The following ZNRF1 variants were observed in gnomAD, a reference collection of about 807,000 sequenced individuals.
The protein encoded by ZNRF1 is E3 ubiquitin-protein ligase ZNRF1.
In ZNRF1, 3 loss-of-function variants were observed where a neutral mutation model predicts 18.4. The observed-to-expected ratio is 0.16, with a 90% CI of 0.07 to 0.42. The LOEUF is 0.42. Among genes scored for constraint, ZNRF1 ranks in the 10% least tolerant of loss-of-function variants. The pLI is 0.99. For missense variants in ZNRF1, 310 were observed against 329.8 expected, an observed-to-expected ratio of 0.94 and a Z score of 0.47; for synonymous variants, 157 against 144.2, an observed-to-expected ratio of 1.09 and a Z score of -0.64.
rs1349792811 is a variant in ZNRF1 at position 75,080,473 on chromosome 16, T to C, written c.425-13099T>C. The stretch of plus-strand genomic sequence containing the variant: ...TCTAATAGTATGTTCAGGCATTTTC[T>C]TTCTTGCTGGCAAAAAATTCCTATC... On this transcript the variant is annotated intron_variant, in intron 1 of 4. Transcript: ENST00000335325. Among the ~76,000 whole-genome samples, 3 of 152,238 alleles carry C rather than the reference T, an allele frequency of 2.0e-5. 1 individual carries two copies. Among genetic ancestry groups the C allele is most frequent in the Non-Finnish European group, 4.4e-5 (3 of 68,046 alleles).
chr16:75,040,633 T>G (rs1277853722), intron 1 of ZNRF1, among the ~76,000 whole-genome samples: 19 of 136,238 alleles, frequency 1.4e-4, no homozygotes, highest in Non-Finnish European at 2.3e-4. Context: ...TGAGACAGAG[T>G]TTTGCTCTTG....
intron 1 of ZNRF1, among the ~76,000 whole-genome samples, chr16:75,043,087 T>C (rs1170395854): frequency 2.6e-5 from 4 of 152,228 alleles, no homozygotes; most frequent in Admixed American, 2.0e-4. Context: ...TGGGAGACTG[T>C]CTACAATAAA....
chr16:75,007,902 G>A (rs1415590980), intron 1 of ZNRF1, among the ~76,000 whole-genome samples: 1 of 151,776 alleles, frequency 6.6e-6, no homozygotes, highest in Non-Finnish European at 1.5e-5. Context: ...TTTTTCTTCT[G>A]TTGCCCGGGC....
intron 1 of ZNRF1, among the ~76,000 whole-genome samples, chr16:75,092,226 T>C (rs765275396): frequency 6.6e-6 from 1 of 152,182 alleles, no homozygotes; most frequent in Non-Finnish European, 1.5e-5. Flanking sequence ...TGGATCGTCA[T>C]AAAGGTCTTC....
Position 75,093,554 on chromosome 16 carries a change from C to T in ZNRF1, c.425-18C>T. 6.3e-7 allele frequency: 1 copy of T among 1,597,252 alleles called. No individual in the cohort carries two copies. Among genetic ancestry groups the T allele is most frequent in the South Asian group, 1.1e-5 (1 of 90,718 alleles). On this transcript the variant is annotated intron_variant, in intron 1 of 4. Transcript: ENST00000335325. ...TGGATCTGGAGAAAACATTTCATCC[C>T]ATTCTCCTCTCTTTCAGGTTTCAAG... is the stretch of plus-strand genomic sequence containing the variant.
intron 1 of ZNRF1, among the ~76,000 whole-genome samples, chr16:75,040,598 G>GTTTTTTTTTTTTTTTTTTTTTTTTT (rs61513153): frequency 2.2e-5 from 1 of 46,356 alleles, no homozygotes; most frequent in African/African-American, 8.0e-5. Flanking sequence ...TTTTTTGTGG[G>GTTTTTTTTTTTTTTTTTTTTTTTTT]TTTTTTTTTT....
intron 1 of ZNRF1, among the ~76,000 whole-genome samples, chr16:75,038,481 T>A (rs1358834370): frequency 6.6e-6 from 1 of 152,234 alleles, no homozygotes; most frequent in Admixed American, 6.5e-5. Flanking sequence ...AGTTACATGA[T>A]GTGGCTTTCT....
At chr16:75,038,114 A>G (rs1337219665) in intron 1 of ZNRF1, among the ~76,000 whole-genome samples, 1 of 152,226 alleles carries the variant, frequency 6.6e-6, no homozygotes, top group African/African-American at 2.4e-5. Context: ...TTGTTAGGCA[A>G]CAAAACCTAC....
At chr16:75,100,158 T>G (rs990064630) in intron 2 of ZNRF1, among the ~76,000 whole-genome samples, 2 of 152,232 alleles carry the variant, frequency 1.3e-5, no homozygotes, top group African/African-American at 2.4e-5. Context: ...CAGTGAAATG[T>G]GCTCCCTGCC....
chr16:75,018,445 T>G (rs1238656514), intron 1 of ZNRF1, among the ~76,000 whole-genome samples: 1 of 152,190 alleles, frequency 6.6e-6, no homozygotes, highest in Non-Finnish European at 1.5e-5. Flanking sequence ...TGCTGGCTAG[T>G]TCCTCCAGTA....
intron 1 of ZNRF1, among the ~76,000 whole-genome samples, chr16:75,031,719 C>T (rs1359950116): frequency 6.6e-6 from 1 of 151,948 alleles, no homozygotes; most frequent in African/African-American, 2.4e-5. Context: ...CCAGGCTGTT[C>T]TCGAACTCCT....
intron 1 of ZNRF1, among the ~76,000 whole-genome samples, chr16:75,033,435 T>G (rs993343889): frequency 1.6e-5 from 2 of 124,214 alleles, no homozygotes; most frequent in Non-Finnish European, 3.2e-5. Flanking sequence ...CAGTGTTTTA[T>G]AGTTTTTTTT....
Position 75,106,474 on chromosome 16 carries a change from C to T in ZNRF1, c.627-8C>T, listed in dbSNP as rs2036317518. On this transcript the variant is annotated splice_region_variant and splice_polypyrimidine_tract_variant and intron_variant, in intron 3 of 4. Transcript: ENST00000335325. Reference sequence around the variant, plus strand: ...AACGTGGTTTCCCTTGCGGCCCCCTCCTCCCAGCTGCATAGACTCGTGGTT... The same window carrying T: ...AACGTGGTTTCCCTTGCGGCCCCCTTCTCCCAGCTGCATAGACTCGTGGTT... 2 of 1,614,148 alleles carry T rather than the reference C, an allele frequency of 1.2e-6. No homozygotes were observed. The highest frequency in any genetic ancestry group is 8.5e-7 in the Non-Finnish European group (1 of 1,180,024).
chr16:75,024,798 A>G (rs746395404), intron 1 of ZNRF1, among the ~76,000 whole-genome samples: 7 of 152,230 alleles, frequency 4.6e-5, no homozygotes, highest in Non-Finnish European at 7.3e-5. Flanking sequence ...TTAAGAAACA[A>G]AAGTTCTTCC....
chr16:75,020,957 T>C (rs1355892783), intron 1 of ZNRF1, among the ~76,000 whole-genome samples: 2 of 152,194 alleles, frequency 1.3e-5, no homozygotes, highest in African/African-American at 2.4e-5. Context: ...CTTAAATCAA[T>C]ATCTCTACTC....
At chr16:75,076,339 G>A (rs1039025102) in intron 1 of ZNRF1, among the ~76,000 whole-genome samples, 1 of 152,006 alleles carries the variant, frequency 6.6e-6, no homozygotes. Context: ...TGATGGATCC[G>A]CTGATGTCCA....
At chr16:75,035,622 A>G (rs1483255027) in intron 1 of ZNRF1, among the ~76,000 whole-genome samples, 2 of 152,204 alleles carry the variant, frequency 1.3e-5, no homozygotes, top group Non-Finnish European at 2.9e-5. Flanking sequence ...AAGAGGGCCA[A>G]GTGGGCAACT....
chr16:75,104,927 C>T (rs746482154), intron 3 of ZNRF1, 38 bp downstream of exon 3: 27 of 1,504,024 alleles, frequency 1.8e-5, no homozygotes, highest in Admixed American at 7.8e-5. Context: ...TGCACCCCAC[C>T]TCCCAGAGGG....
chr16:75,073,298 T>C (rs1435109779), intron 1 of ZNRF1, among the ~76,000 whole-genome samples: 2 of 152,090 alleles, frequency 1.3e-5, no homozygotes, highest in African/African-American at 4.8e-5. Flanking sequence ...TTTTTATTAA[T>C]AGCTGTTGTT....
Sources: gnomAD v4.1 joint callset for allele counts (sites outside exome capture counted in the v4.1 genomes callset) on GRCh38, gnomAD v4.1.1 for gene constraint, MANE v1.5 for transcripts, NCBI Gene and HGNC (gene_info 2026-07-23, HGNC 2026-07-21) for gene names.